UBE2E2: variants seen among roughly 807,000 people sequenced by gnomAD.
The protein encoded by UBE2E2 is ubiquitin conjugating enzyme E2 E2, also known as ubiquitin-conjugating enzyme E2 E2.
Under a neutral mutation model 24.7 loss-of-function variants are expected in UBE2E2, and 6 were observed. The ratio of observed to expected loss-of-function variants is 0.24; its 90% CI spans 0.13 to 0.48. The LOEUF (loss-of-function observed/expected upper bound fraction) is 0.48, where lower values mean the gene tolerates loss of function less well. Ranked by LOEUF, UBE2E2 falls within the 20% of genes least tolerant of loss-of-function variation. The pLI is 0.99. For missense variants in UBE2E2, 169 were observed against 245.0 expected, an observed-to-expected ratio of 0.69 and a Z score of 2.07; for synonymous variants, 104 against 83.6, an observed-to-expected ratio of 1.24 and a Z score of -1.33.
intron 3 of UBE2E2, among the ~76,000 whole-genome samples, chr3:23,232,923 G>A (rs1697010248): frequency 6.6e-6 from 1 of 152,234 alleles, no homozygotes. Flanking sequence ...GACAGATTCA[G>A]CTGCAAGTGC....
At chr3:23,586,376 T>G (rs1458233284) in intron 5 of UBE2E2, among the ~76,000 whole-genome samples, 2 of 152,068 alleles carry the variant, frequency 1.3e-5, no homozygotes, top group Non-Finnish European at 2.9e-5. Flanking sequence ...CTCACTGTAG[T>G]CTTAAACTTC....
chr3:23,241,126 C>T (rs1575496190), intron 3 of UBE2E2, among the ~76,000 whole-genome samples: 1 of 152,168 alleles, frequency 6.6e-6, no homozygotes, highest in African/African-American at 2.4e-5. Context: ...CAGTTAATAG[C>T]AAATCTGTCT....
intron 3 of UBE2E2, among the ~76,000 whole-genome samples, chr3:23,248,911 G>T (rs181732229): frequency 6.6e-6 from 1 of 152,142 alleles, no homozygotes. Flanking sequence ...ATACTTGACC[G>T]ACTGATTTAA....
At chr3:23,386,380 C>A (rs1334478774) in intron 3 of UBE2E2, among the ~76,000 whole-genome samples, 4 of 152,098 alleles carry the variant, frequency 2.6e-5, no homozygotes, top group Admixed American at 6.6e-5. Flanking sequence ...CCCAAAGGCC[C>A]CACCTCCGAA....
chr3:23,499,812 TA>T, intron 4 of UBE2E2, 72 bp downstream of exon 4: 1 of 1,523,618 alleles, frequency 6.6e-7, no homozygotes, highest in Non-Finnish European at 8.8e-7. Flanking sequence ...TATTCTTAAA[TA>T]TGCATTCTAG....
At chr3:23,488,706 C>T (rs1699432897) in intron 3 of UBE2E2, among the ~76,000 whole-genome samples, 2 of 152,150 alleles carry the variant, frequency 1.3e-5, no homozygotes, top group African/African-American at 4.8e-5. Flanking sequence ...ATGGTTTACC[C>T]TCTTGTCAGA....
At chr3:23,223,857 C>T (rs538393189) in intron 3 of UBE2E2, among the ~76,000 whole-genome samples, 1 of 152,042 alleles carries the variant, frequency 6.6e-6, no homozygotes, top group Admixed American at 6.6e-5. Flanking sequence ...TTTCATTCTT[C>T]ATATATAGTT....
chr3:23,576,464 A>G (rs1258541337), intron 5 of UBE2E2, among the ~76,000 whole-genome samples: 1 of 152,110 alleles, frequency 6.6e-6, no homozygotes, highest in Non-Finnish European at 1.5e-5. Flanking sequence ...ATTAGAGGAG[A>G]AAAGTGAAAG....
chr3:23,247,842 A>G (rs368975662), intron 3 of UBE2E2, among the ~76,000 whole-genome samples: 40 of 152,322 alleles, frequency 2.6e-4, no homozygotes, highest in East Asian at 1.2e-3. Context: ...TTTATTAAAG[A>G]GACTAGCTTG....
intron 3 of UBE2E2, among the ~76,000 whole-genome samples, chr3:23,346,340 C>G (rs1013636658): frequency 2.0e-5 from 3 of 152,114 alleles, no homozygotes; most frequent in Admixed American, 6.5e-5. Flanking sequence ...CCTTTTATCT[C>G]TAGTCTACTG....
At chr3:23,272,299 T>C (rs1698265175) in intron 3 of UBE2E2, among the ~76,000 whole-genome samples, 1 of 149,212 alleles carries the variant, frequency 6.7e-6, no homozygotes, top group Non-Finnish European at 1.5e-5. Context: ...CTTCTCTGAG[T>C]GTGGGGCCTG....
chr3:23,404,226 A>G (rs1055658779), intron 3 of UBE2E2, among the ~76,000 whole-genome samples: 14 of 152,202 alleles, frequency 9.2e-5, no homozygotes, highest in Non-Finnish European at 2.9e-5. Context: ...TTGGAATATC[A>G]TATAATAAAT....
At chr3:23,432,236 G>A (rs1472309384) in intron 3 of UBE2E2, among the ~76,000 whole-genome samples, 2 of 152,056 alleles carry the variant, frequency 1.3e-5, no homozygotes, top group Non-Finnish European at 2.9e-5. Flanking sequence ...ACCCTAATTT[G>A]GGATAAATAT....
intron 3 of UBE2E2, among the ~76,000 whole-genome samples, chr3:23,310,290 A>G (rs1694339256): frequency 8.0e-6 from 1 of 125,042 alleles, no homozygotes; most frequent in African/African-American, 3.2e-5. Flanking sequence ...ATTATGTGCA[A>G]AAGGCATGCC....
intron 3 of UBE2E2, among the ~76,000 whole-genome samples, chr3:23,359,226 T>C (rs1696047841): frequency 6.6e-6 from 1 of 152,206 alleles, no homozygotes; most frequent in Admixed American, 6.5e-5. Context: ...ACTCTAATGA[T>C]GTTGCTAAGG....
intron 4 of UBE2E2, among the ~76,000 whole-genome samples, chr3:23,500,053 G>C (rs1272425609): frequency 6.6e-6 from 1 of 152,064 alleles, no homozygotes; most frequent in African/African-American, 2.4e-5. Flanking sequence ...GGTTGGGCCA[G>C]GGTGAGTACC....
At chr3:23,582,138 A>G (rs761598893) in intron 5 of UBE2E2, among the ~76,000 whole-genome samples, 2 of 152,168 alleles carry the variant, frequency 1.3e-5, no homozygotes, top group African/African-American at 4.8e-5. Flanking sequence ...TCCCACTTAT[A>G]AGTGAGAACA....
At chr3:23,351,490 A>G (rs906383806) in intron 3 of UBE2E2, among the ~76,000 whole-genome samples, 3 of 152,204 alleles carry the variant, frequency 2.0e-5, no homozygotes, top group African/African-American at 7.2e-5. Flanking sequence ...CAGGAAACCC[A>G]TCTCATGGGC....
intron 3 of UBE2E2, among the ~76,000 whole-genome samples, chr3:23,484,966 C>T (rs2125444828): frequency 6.6e-6 from 1 of 152,170 alleles, no homozygotes; most frequent in East Asian, 1.9e-4. Flanking sequence ...ACAGTCAAGC[C>T]ATATCAGTGG....
Sources: gnomAD v4.1 joint callset for allele counts (sites outside exome capture counted in the v4.1 genomes callset) on GRCh38, gnomAD v4.1.1 for gene constraint, MANE v1.5 for transcripts, NCBI Gene and HGNC (gene_info 2026-07-23, HGNC 2026-07-21) for gene names.